The following TENM2 variants were observed in gnomAD, a reference collection of about 807,000 sequenced individuals.
The protein encoded by TENM2 is teneurin transmembrane protein 2, also known as teneurin-2.
A neutral mutation model predicts 245.2 loss-of-function variants in TENM2; 52 were observed. The observed-to-expected ratio is 0.21, with a 90% CI of 0.17 to 0.27. TENM2 has a LOEUF of 0.27. Ranked by LOEUF, TENM2 falls within the 10% of genes least tolerant of loss-of-function variation. The pLI, the probability that TENM2 is intolerant of heterozygous loss-of-function variation, is 1.00. For synonymous variants in TENM2, 1,363 were observed against 1,438.9 expected, an observed-to-expected ratio of 0.95 and a Z score of 1.19; for missense variants, 3,046 against 3,666.8, an observed-to-expected ratio of 0.83 and a Z score of 4.37.
At chr5:168,119,977 C>A (rs1795355879) in intron 10 of TENM2, among the ~76,000 whole-genome samples, 1 of 152,214 alleles carries the variant, frequency 6.6e-6, no homozygotes, top group Non-Finnish European at 1.5e-5. Flanking sequence ...TTCATCCCAA[C>A]AACCAATGGA....
intron 2 of TENM2, among the ~76,000 whole-genome samples, chr5:167,783,585 C>T (rs562092056): frequency 6.6e-5 from 10 of 152,350 alleles, no homozygotes; most frequent in East Asian, 5.8e-4. Context: ...TTCAGCTCCG[C>T]GGATGCCAAA....
At chr5:168,102,320 G>A (rs1416462839) in intron 9 of TENM2, among the ~76,000 whole-genome samples, 1 of 152,140 alleles carries the variant, frequency 6.6e-6, no homozygotes, top group Admixed American at 6.5e-5. Flanking sequence ...TGATCCACCC[G>A]CCTCAGCCTC....
rs1562181286 is a variant in TENM2 at position 168,118,497 on chromosome 5, C to CG, written c.2008+13dup. ...AGCACTGTGAGGAAGGTAAGCCCGC[C>CG]GGCCCCGGGGCTAGGCAGCAGTGGA... On this transcript the variant is annotated intron_variant, in intron 10 of 28. Transcript: ENST00000518659. The CG allele has an allele frequency of 1.3e-6, 2 of 1,503,474 alleles. No individual in the cohort carries two copies. The highest frequency in any genetic ancestry group is 1.8e-5 in the Admixed American group (1 of 54,686). The allele number at this position is 1,503,474 out of a possible 1,614,324, so 93.1% of individuals were successfully genotyped here.
intron 2 of TENM2, among the ~76,000 whole-genome samples, chr5:167,842,221 T>C (rs1769585297): frequency 6.6e-6 from 1 of 151,920 alleles, no homozygotes; most frequent in Non-Finnish European, 1.5e-5. Flanking sequence ...ATATTGTTTG[T>C]CTCCTCAGAG....
chr5:167,040,997 T>C, the TENM2 span, among the ~76,000 whole-genome samples: 7 of 152,166 alleles, frequency 4.6e-5, no homozygotes, highest in Non-Finnish European at 8.8e-5. Context: ...GGCCCTTAGG[T>C]TACTAGATAC....
chr5:167,807,633 A>ATTTTT (rs1561803934), intron 2 of TENM2, among the ~76,000 whole-genome samples: 1,326 of 111,688 alleles, frequency 0.012, 23 homozygotes, highest in African/African-American at 0.041. Flanking sequence ...TTAAAAAAAA[A>ATTTTT]AAAAAAGAGA....
chr5:167,558,061 A>G (rs1773363671), intron 2 of TENM2, among the ~76,000 whole-genome samples: 2 of 152,222 alleles, frequency 1.3e-5, no homozygotes, highest in Admixed American at 1.3e-4. Flanking sequence ...AAAGCCGTGA[A>G]ACAGAAACCT....
At chr5:167,878,085 A>AGTTCATAT (rs1223698328) in intron 3 of TENM2, among the ~76,000 whole-genome samples, 2 of 152,234 alleles carry the variant, frequency 1.3e-5, no homozygotes, top group Non-Finnish European at 1.5e-5. Flanking sequence ...AAGAGAGGTC[A>AGTTCATAT]GTTCATATCT....
chr5:168,232,979 C>CCCCT (rs1237915080), intron 25 of TENM2, among the ~76,000 whole-genome samples: 1 of 152,188 alleles, frequency 6.6e-6, no homozygotes, highest in African/African-American at 2.4e-5. Flanking sequence ...AAGAGTCCTC[C>CCCCT]CCCTCCTTCC....
At chr5:167,037,908 C>T in the TENM2 span, among the ~76,000 whole-genome samples, 2 of 152,170 alleles carry the variant, frequency 1.3e-5, no homozygotes, top group South Asian at 2.1e-4. Context: ...TAAGATGAGA[C>T]AACACGGCTA....
intron 5 of TENM2, among the ~76,000 whole-genome samples, chr5:167,994,765 A>G (rs1009968152): frequency 6.6e-6 from 1 of 152,052 alleles, no homozygotes; most frequent in African/African-American, 2.4e-5. Context: ...GAGGCCTGAG[A>G]CCCAAGCACC....
At chr5:167,924,514 CAT>C (rs1436364574) in intron 3 of TENM2, among the ~76,000 whole-genome samples, 2 of 152,164 alleles carry the variant, frequency 1.3e-5, no homozygotes, top group African/African-American at 4.8e-5. Flanking sequence ...GAGTTCATGA[CAT>C]AGGTTAGCAC....
chr5:167,745,629 T>G (rs2150614120), intron 2 of TENM2, among the ~76,000 whole-genome samples: 1 of 152,324 alleles, frequency 6.6e-6, no homozygotes, highest in Non-Finnish European at 1.5e-5. Context: ...ACTTTTAGAA[T>G]ATTTTCATCA....
the TENM2 span, among the ~76,000 whole-genome samples, chr5:167,159,046 G>C: frequency 6.6e-6 from 1 of 150,812 alleles, no homozygotes; most frequent in African/African-American, 2.4e-5. Context: ...TCCGCCTCCT[G>C]GGTTCAAGAA....
intron 3 of TENM2, among the ~76,000 whole-genome samples, chr5:167,903,704 G>T (rs1775884454): frequency 6.6e-6 from 1 of 152,148 alleles, no homozygotes; most frequent in African/African-American, 2.4e-5. Context: ...AATAGTAGGT[G>T]GATGTCACAC....
intron 7 of TENM2, among the ~76,000 whole-genome samples, chr5:168,069,322 G>C (rs1790781323): frequency 6.6e-6 from 1 of 152,194 alleles, no homozygotes; most frequent in Non-Finnish European, 1.5e-5. Context: ...GAGATGTTAG[G>C]AAAAGCTTTA....
chr5:167,207,341 G>GT, the TENM2 span, among the ~76,000 whole-genome samples: 1 of 152,222 alleles, frequency 6.6e-6, no homozygotes, highest in African/African-American at 2.4e-5. Flanking sequence ...CATGAGTATA[G>GT]TCACTGAGTT....
intron 2 of TENM2, among the ~76,000 whole-genome samples, chr5:167,756,176 A>G (rs1335521478): frequency 6.6e-6 from 1 of 152,188 alleles, no homozygotes; most frequent in Non-Finnish European, 1.5e-5. Context: ...TGTGGGTAGT[A>G]TAGACACAAC....
chr5:167,339,353 A>G (rs1757963410), intron 1 of TENM2, among the ~76,000 whole-genome samples: 1 of 152,198 alleles, frequency 6.6e-6, no homozygotes, highest in Admixed American at 6.5e-5. Context: ...TGTCCTCTTT[A>G]GCTGAAACTG....
Sources: gnomAD v4.1 joint callset for allele counts (sites outside exome capture counted in the v4.1 genomes callset) on GRCh38, gnomAD v4.1.1 for gene constraint, MANE v1.5 for transcripts, NCBI Gene and HGNC (gene_info 2026-07-23, HGNC 2026-07-21) for gene names.